The following TMEM98 variants were observed in gnomAD, a reference collection of about 807,000 sequenced individuals.
The protein encoded by TMEM98 is transmembrane protein 98.
TMEM98 carries 18 observed loss-of-function variants against 25.0 expected under a neutral mutation model. The observed-to-expected ratio is 0.72, with a 90% CI of 0.50 to 1.07. The LOEUF is 1.07. Among genes scored for constraint, TMEM98 ranks in the 50% least tolerant of loss-of-function variants. The pLI, the probability that TMEM98 is intolerant of heterozygous loss-of-function variation, is 0.00. For missense variants in TMEM98, 241 were observed against 289.0 expected (o/e 0.83, Z 1.20); for synonymous variants, 103 against 112.4 (o/e 0.92, Z 0.53).
At position 32,933,058 on chromosome 17, in the gene TMEM98, C is replaced by G. The variant is rs1472480270; in HGVS notation, c.132-116C>G. 9.8e-6 allele frequency: 14 copies of G among 1,430,106 alleles called. No individual in the cohort carries two copies. In the Admixed American group the frequency reaches 3.2e-4, roughly 33 times the overall value. The allele number at this position is 1,430,106 out of a possible 1,614,324, so 88.6% of individuals were successfully genotyped here. A position where few individuals can be genotyped will look rare whatever the true frequency, so the allele number is the denominator to read the frequency against. On this transcript the variant is annotated intron_variant, in intron 3 of 7. Coordinates refer to ENST00000579849, the MANE Select transcript of TMEM98 (RefSeq NM_015544.3). Reference sequence around the variant, plus strand: ...GGTTTGGATCCGGGACAAGTGGTCTCTGCCCTAGCTTACTGACTCCCTTAC... The same window carrying G: ...GGTTTGGATCCGGGACAAGTGGTCTGTGCCCTAGCTTACTGACTCCCTTAC...
intron 5 of TMEM98, 142 bp from the exon 6 acceptor site, chr17:32,936,190 T>C: frequency 1.5e-6 from 1 of 655,998 alleles, no homozygotes; most frequent in Non-Finnish European, 2.6e-6. Context: ...TTTCCTCTCA[T>C]CTCTGTACTT....
Position 32,940,869 on chromosome 17 carries a change from T to C in TMEM98, c.557T>C (p.Ile186Thr). The change falls in exon 8 of 8, where the codon ATT becomes ACT. Residue 186 changes from isoleucine (I) to threonine (T), a missense_variant. Transcript: ENST00000579849. ...ACHLTGGLDWIDQSLSAAEEH... is the reference protein window; with the variant it reads ...ACHLTGGLDWTDQSLSAAEEH... ...CATCTGACGGGAGGCCTGGACTGGA[T>C]TGACCAGTCTCTGTCGGCTGCTGAG... is the stretch of plus-strand genomic sequence containing the variant. The C allele has an allele frequency of 6.2e-7, 1 of 1,614,206 alleles. No individual in the cohort carries two copies. Among genetic ancestry groups the C allele is most frequent in the Non-Finnish European group, 8.5e-7 (1 of 1,180,022 alleles).
chr17:32,934,232 A>T (rs755536658), intron 4 of TMEM98, 59 bp from the exon 5 acceptor site: 42 of 1,600,354 alleles, frequency 2.6e-5, no homozygotes, highest in Non-Finnish European at 3.4e-5. Flanking sequence ...CAAGGGTGGG[A>T]GCTGGAGGGT....
At chr17:32,939,407 A>AG in intron 6 of TMEM98, 70 bp from the exon 7 acceptor site, 5 of 1,464,034 alleles carry the variant, frequency 3.4e-6, no homozygotes, top group African/African-American at 2.4e-5. Flanking sequence ...ACTCTGTCTC[A>AG]GGAAAAAAAA....
At chr17:32,934,033 T>A (rs1375610542) in intron 4 of TMEM98, among the ~76,000 whole-genome samples, 3 of 151,990 alleles carry the variant, frequency 2.0e-5, no homozygotes, top group South Asian at 2.1e-4. Context: ...AGCTTGAGAG[T>A]TATATTAAAG....
rs1598199423 is a variant in TMEM98, at chr17:32,931,725, G to A, written c.131+66G>A. ...TAACTAAAGAAAAAGAGAGGAACAC[G>A]TAGTTCAGTGTTGGGCAACTCTAAC... On this transcript the variant is annotated intron_variant, in intron 3 of 7. Transcript: ENST00000579849. 5.2e-6 allele frequency: 8 copies of A among 1,543,640 alleles called. No individual in the cohort carries two copies. In the South Asian group the frequency reaches 6.0e-5, roughly 12 times the overall value.
intron 1 of TMEM98, among the ~76,000 whole-genome samples, chr17:32,929,300 A>C (rs1297987409): frequency 6.6e-6 from 1 of 152,022 alleles, no homozygotes; most frequent in Non-Finnish European, 1.5e-5. Context: ...ACACACTTAG[A>C]AGCACACTCA....
rs145103711 is a variant in TMEM98 at position 32,939,787 on chromosome 17, G to A, written c.473+251G>A. Among the ~76,000 whole-genome samples, 41 of 152,250 alleles carry A rather than the reference G, an allele frequency of 2.7e-4. 1 individual carries two copies. In the East Asian group the frequency reaches 7.3e-3, roughly 27 times the overall value. ...TTTAAATTGTTATGATTAGACTTCC[G>A]GCCATGTTACATCCTAACTGTGCCT... On this transcript the variant is annotated intron_variant, in intron 7 of 7. Coordinates refer to ENST00000579849, the MANE Select transcript of TMEM98 (RefSeq NM_015544.3).
rs371233070 is a variant in TMEM98, at chr17:32,944,017, C to A, written c.*3024C>A. ...AAAGCCGTCGCCTCTAATCAGTGTT[C>A]AAAGGGTCGATTGTGCAACTCACAT... On this transcript the variant is annotated 3_prime_UTR_variant, in exon 8 of 8. Transcript: ENST00000579849. 1 of 152,354 alleles carries A rather than the reference C, an allele frequency of 6.6e-6. No homozygotes were observed. The highest frequency in any genetic ancestry group is 1.9e-4 in the East Asian group (1 of 5,186). The allele number at this position is 152,354 out of a possible 1,614,324, so 9.4% of individuals were successfully genotyped here.
chr17:32,931,718 G>A (rs1310671812), intron 3 of TMEM98, 59 bp downstream of exon 3: 1 of 1,559,608 alleles, frequency 6.4e-7, no homozygotes, highest in Non-Finnish European at 8.7e-7. Flanking sequence ...GAAAAAGAGA[G>A]GAACACGTAG....
intron 5 of TMEM98, 46 bp from the exon 6 acceptor site, chr17:32,936,286 A>G: frequency 1.3e-6 from 2 of 1,527,198 alleles, no homozygotes; most frequent in South Asian, 1.2e-5. Flanking sequence ...CGAGGCCCTG[A>G]GTGGAGCCAG....
intron 4 of TMEM98, 37 bp downstream of exon 4, chr17:32,933,342 G>A (rs1470369476): frequency 7.4e-6 from 12 of 1,612,658 alleles, no homozygotes; most frequent in Non-Finnish European, 1.0e-5. Context: ...CGGGCTTCTG[G>A]CAAATGATGC....
chr17:32,931,519 C>G lies in TMEM98; in HGVS notation c.-10C>G, dbSNP rs1250179108. On this transcript the variant is annotated 5_prime_UTR_variant, in exon 3 of 8. Coordinates refer to ENST00000579849, the MANE Select transcript of TMEM98 (RefSeq NM_015544.3). ...TGTGACCGGGACTGAGTCAGGAGCCCTCTGGAAGCATGGAGACTGTGGTGA... is the reference window on the plus strand; with the variant it reads ...TGTGACCGGGACTGAGTCAGGAGCCGTCTGGAAGCATGGAGACTGTGGTGA... The G allele has an allele frequency of 3.9e-5, 63 of 1,604,416 alleles. No individual in the cohort carries two copies. The highest frequency in any genetic ancestry group is 5.1e-5 in the Non-Finnish European group (60 of 1,176,048).
In TMEM98 at chr17:32,931,625, C is replaced by T. The variant is rs747459135; in HGVS notation, c.97C>T (p.Arg33Trp). ...LVLVCRQRYCRPRDLLQRYDS... is the reference protein window; with the variant it reads ...LVLVCRQRYCWPRDLLQRYDS... The stretch of plus-strand genomic sequence containing the variant: ...GCTGGTTTGCAGGCAGCGCTACTGC[C>T]GGCCGCGAGACCTGCTGCAGCGCTA... The change falls in exon 3 of 8, where the codon CGG (arginine) becomes TGG (tryptophan). Residue 33 changes from arginine to tryptophan, a missense_variant. Coordinates refer to ENST00000579849, the MANE Select transcript of TMEM98 (RefSeq NM_015544.3). 2.3e-5 allele frequency: 37 copies of T among 1,604,730 alleles called. No homozygotes were observed. Among genetic ancestry groups the T allele is most frequent in the South Asian group, 1.8e-4 (16 of 88,600 alleles).
At chr17:32,934,205 C>G in intron 4 of TMEM98, 86 bp from the exon 5 acceptor site, 1 of 1,486,596 alleles carries the variant, frequency 6.7e-7, no homozygotes, top group Non-Finnish European at 9.4e-7. Context: ...GCCCACCGGT[C>G]AGGGCAAGTT....
intron 6 of TMEM98, among the ~76,000 whole-genome samples, chr17:32,937,555 C>A (rs2151113795): frequency 6.6e-6 from 1 of 152,236 alleles, no homozygotes; most frequent in Non-Finnish European, 1.5e-5. Flanking sequence ...ATCCCAGGCT[C>A]TGGGTGGGCA....
chr17:32,932,690 C>G (rs766457616), intron 3 of TMEM98, among the ~76,000 whole-genome samples: 11 of 152,080 alleles, frequency 7.2e-5, no homozygotes, highest in Non-Finnish European at 1.5e-4. Flanking sequence ...TTTCACTTTT[C>G]CAGTGTAACT....
At chr17:32,936,246 C>CG (rs1409978919) in intron 5 of TMEM98, 86 bp from the exon 6 acceptor site, 2 of 1,070,652 alleles carry the variant, frequency 1.9e-6, no homozygotes, top group Non-Finnish European at 2.8e-6. Context: ...ATGGAACTCA[C>CG]GGCAGGGCTG....
Position 32,931,668 on chromosome 17 carries a change from G to C in TMEM98, c.131+9G>C, listed in dbSNP as rs72817027. On this transcript the variant is annotated intron_variant, in intron 3 of 7. Coordinates refer to ENST00000579849, the MANE Select transcript of TMEM98 (RefSeq NM_015544.3). ...CAGCGCTATGATTCTAAGTGAGTGAGCCTATGGAGGGCAAGGAGGAGGGGT... is the reference window on the plus strand; with the variant it reads ...CAGCGCTATGATTCTAAGTGAGTGACCCTATGGAGGGCAAGGAGGAGGGGT... The C allele has an allele frequency of 0.06, 96,147 of 1,603,584 alleles. 3,365 individuals are homozygous for C. The highest frequency in any genetic ancestry group is 0.088 in the Middle Eastern group (529 of 6,038).
Sources: gnomAD v4.1 joint callset for allele counts (sites outside exome capture counted in the v4.1 genomes callset) on GRCh38, gnomAD v4.1.1 for gene constraint, MANE v1.5 for transcripts, NCBI Gene and HGNC (gene_info 2026-07-23, HGNC 2026-07-21) for gene names.